MCTP2: variants seen among roughly 807,000 people sequenced by gnomAD.
The protein encoded by MCTP2 is multiple C2 and transmembrane domain containing 2, also known as multiple C2 and transmembrane domain-containing protein 2.
Under a neutral mutation model 111.6 loss-of-function variants are expected in MCTP2, and 132 were observed. The observed-to-expected ratio is 1.18, with a 90% CI of 1.03 to 1.37. The LOEUF is 1.37. Ranked by LOEUF, MCTP2 falls within the 40% of genes most tolerant of loss-of-function variation. MCTP2 has a pLI of 0.00. For synonymous variants in MCTP2, 395 were observed against 387.7 expected (o/e 1.02, Z -0.22); for missense variants, 1,183 against 1,067.9 (o/e 1.11, Z -1.50).
At chr15:94,265,645 T>C (rs1475875637) in intron 1 of MCTP2, among the ~76,000 whole-genome samples, 1 of 152,226 alleles carries the variant, frequency 6.6e-6, no homozygotes, top group African/African-American at 2.4e-5. Context: ...CATAGAGATA[T>C]TGTGTAACTC....
rs1397211838 is a variant in MCTP2, at chr15:94,379,657, AT to A, written c.1583-4364del. On this transcript the variant is annotated intron_variant, in intron 12 of 22. Coordinates refer to ENST00000357742, the MANE Select transcript of MCTP2 (RefSeq NM_001385001.1). ...CACCTGTATCTTACATTACCTGATT[AT>A]CGCTATTTGCCTCTCTCTCTCATAT... Among the ~76,000 whole-genome samples the A allele has an allele frequency of 6.6e-5, 10 of 150,446 alleles. No individual in the cohort carries two copies. In the East Asian group the frequency reaches 1.9e-3, roughly 29 times the overall value.
chr15:94,242,965 A>ATATGTGTATCTACACATACACACGTG (rs2071111111), intron 1 of MCTP2, among the ~76,000 whole-genome samples: 1 of 118,556 alleles, frequency 8.4e-6, no homozygotes. Flanking sequence ...ATACACGTGT[A>ATATGTGTATCTACACATACACACGTG]TATGTGTATC....
chr15:94,361,956 T>A (rs188161735), intron 10 of MCTP2, among the ~76,000 whole-genome samples: 1 of 152,280 alleles, frequency 6.6e-6, no homozygotes, highest in East Asian at 1.9e-4. Flanking sequence ...AGGCCCCTCC[T>A]CCAGGCTCTC....
chr15:94,374,147 GC>G (rs1273604813), intron 12 of MCTP2, among the ~76,000 whole-genome samples: 1 of 152,178 alleles, frequency 6.6e-6, no homozygotes, highest in Non-Finnish European at 1.5e-5. Flanking sequence ...GGTATATGCT[GC>G]CCAGGGGCAC....
chr15:94,278,262 T>G (rs184541251), intron 1 of MCTP2: 5 of 152,164 alleles, frequency 3.3e-5, no homozygotes, highest in African/African-American at 1.2e-4. Flanking sequence ...TCAACACTTA[T>G]GGTAAACCTA....
chr15:94,446,567 T>C (rs981659658), intron 19 of MCTP2, among the ~76,000 whole-genome samples: 1 of 152,226 alleles, frequency 6.6e-6, no homozygotes, highest in Non-Finnish European at 1.5e-5. Context: ...GACAATAATA[T>C]CTTGTTTTCA....
rs1428754841 is a variant in MCTP2 at position 94,458,117 on chromosome 15, C to T, written c.2251-20C>T. 7.2e-7 allele frequency: 1 copy of T among 1,383,934 alleles called. No individual in the cohort carries two copies. Among genetic ancestry groups the T allele is most frequent in the Admixed American group, 1.7e-5 (1 of 59,086 alleles). 85.7% of individuals were successfully genotyped at this position (1,383,934 alleles called of 1,614,324 possible). Reference sequence around the variant, plus strand: ...AAAAAATGAAGTAACTGAGTTAAATCTTGCTTTTATGTTTTCTAGGAATCT... The same window carrying T: ...AAAAAATGAAGTAACTGAGTTAAATTTTGCTTTTATGTTTTCTAGGAATCT... On this transcript the variant is annotated intron_variant, in intron 19 of 22. Transcript: ENST00000357742.
intron 1 of MCTP2, among the ~76,000 whole-genome samples, chr15:94,276,976 T>G (rs1372564319): frequency 1.4e-5 from 2 of 147,640 alleles, no homozygotes; most frequent in Non-Finnish European, 3.0e-5. Context: ...ATTAAGTGAC[T>G]TGAAAAAGAT....
At chr15:94,292,797 C>G (rs555712048) in intron 1 of MCTP2, 1 of 152,202 alleles carries the variant, frequency 6.6e-6, no homozygotes, top group African/African-American at 2.4e-5. Flanking sequence ...TCTGGAATAG[C>G]TAAACAAATT....
At chr15:94,464,239 A>AATATATATATATATATATATATT (rs1555481312) in intron 20 of MCTP2, among the ~76,000 whole-genome samples, 22 of 89,332 alleles carry the variant, frequency 2.5e-4, no homozygotes, top group African/African-American at 8.9e-4. Flanking sequence ...TTATATATAT[A>AATATATATATATATATATATATT]ATATATATAT....
At chr15:94,395,678 G>T (rs532379860) in intron 14 of MCTP2, among the ~76,000 whole-genome samples, 26 of 152,052 alleles carry the variant, frequency 1.7e-4, no homozygotes, top group African/African-American at 6.0e-4. Flanking sequence ...TCTAAAAACT[G>T]GTTATATTTA....
intron 8 of MCTP2, among the ~76,000 whole-genome samples, chr15:94,351,921 C>T (rs1466011890): frequency 6.6e-6 from 1 of 152,150 alleles, no homozygotes; most frequent in African/African-American, 2.4e-5. Context: ...CTCTTCCTGG[C>T]CTGGGACAGA....
In MCTP2 at chr15:94,402,982, T is replaced by TA. The variant is rs1181119938; in HGVS notation, c.2085+969dup. On this transcript the variant is annotated intron_variant, in intron 17 of 22. Transcript: ENST00000357742. The stretch of plus-strand genomic sequence containing the variant: ...CTTAGCCAACAGGCATAGCCTCATA[T>TA]AAAAAATGGGGGAAAAAAAACATTT... The TA allele has an allele frequency of 1.4e-5, 14 of 1,002,938 alleles. 1 individual carries two copies. The African/African-American group carries it at 2.1e-4, about 15-fold the overall frequency. 62.1% of individuals were successfully genotyped at this position (1,002,938 alleles called of 1,614,324 possible).
chr15:94,366,890 G>C (rs11634470), intron 10 of MCTP2, among the ~76,000 whole-genome samples: 20,773 of 152,152 alleles, frequency 0.14, 1,599 homozygotes, highest in Middle Eastern at 0.2. Context: ...GTATTTAAAT[G>C]TGTTTGAGGT....
intron 1 of MCTP2, among the ~76,000 whole-genome samples, chr15:94,257,740 C>A (rs2072911533): frequency 6.6e-6 from 1 of 151,326 alleles, no homozygotes; most frequent in East Asian, 1.9e-4. Context: ...GTGTGTGCCA[C>A]CATGCCCAGC....
intron 4 of MCTP2, among the ~76,000 whole-genome samples, chr15:94,321,290 T>C (rs1263120439): frequency 6.6e-6 from 1 of 152,152 alleles, no homozygotes; most frequent in Non-Finnish European, 1.5e-5. Flanking sequence ...TATTTCAAAA[T>C]AGAAGAGAAG....
At chr15:94,326,035 G>A (rs901331615) in intron 4 of MCTP2, among the ~76,000 whole-genome samples, 9 of 151,936 alleles carry the variant, frequency 5.9e-5, no homozygotes, top group African/African-American at 1.9e-4. Context: ...TGGCCAGGAT[G>A]GTCTCGATCT....
At chr15:94,298,787 T>C (rs1344683008) in intron 2 of MCTP2, 57 bp downstream of exon 2, 4 of 1,190,802 alleles carry the variant, frequency 3.4e-6, no homozygotes, top group African/African-American at 1.6e-5. Context: ...TCTCTTTCCC[T>C]CTCTTTCTCC....
At chr15:94,390,601 A>G (rs1199759148) in intron 14 of MCTP2, among the ~76,000 whole-genome samples, 1 of 152,182 alleles carries the variant, frequency 6.6e-6, no homozygotes, top group Non-Finnish European at 1.5e-5. Context: ...CCCATTTCAG[A>G]AGACTGAAAA....
Sources: allele counts gnomAD v4.1 joint callset (sites outside exome capture counted in the v4.1 genomes callset), GRCh38; gene constraint gnomAD v4.1.1; transcripts MANE v1.5; gene names NCBI Gene and HGNC (gene_info 2026-07-23, HGNC 2026-07-21).